Variants in TRPM3 observed in about 807,000 individuals in gnomAD.
TRPM3 encodes the protein transient receptor potential cation channel subfamily M member 3.
TRPM3 carries 77 observed loss-of-function variants against 181.2 expected under a neutral mutation model. The observed-to-expected ratio is 0.42, with a 90% CI of 0.35 to 0.51. TRPM3 has a LOEUF of 0.51. Ranked by LOEUF, TRPM3 falls within the 20% of genes least tolerant of loss-of-function variation. TRPM3 has a pLI of 0.01. For missense variants in TRPM3, 1,759 were observed against 2,196.7 expected (o/e 0.80, Z 3.98); for synonymous variants, 745 against 796.4 (o/e 0.94, Z 1.09).
At chr9:70,653,064 C>A (rs1419924863) in intron 9 of TRPM3, among the ~76,000 whole-genome samples, 1 of 151,898 alleles carries the variant, frequency 6.6e-6, no homozygotes, top group Non-Finnish European at 1.5e-5. Flanking sequence ...GAAAGGGAAA[C>A]CGTGAAAGTG....
chr9:71,127,452 T>C (rs567490), intron 1 of TRPM3, among the ~76,000 whole-genome samples: 93,677 of 151,892 alleles, frequency 0.62, 29,343 homozygotes, highest in African/African-American at 0.73. Context: ...GTGTTTCATC[T>C]TCCCTATCTT....
intron 8 of TRPM3, among the ~76,000 whole-genome samples, chr9:70,752,521 G>T (rs1329629065): frequency 6.6e-6 from 1 of 152,084 alleles, no homozygotes; most frequent in Non-Finnish European, 1.5e-5. Context: ...GAGGCAAAAA[G>T]CACAAAACAT....
chr9:70,573,110 A>G (rs1220809414), intron 22 of TRPM3, among the ~76,000 whole-genome samples: 1 of 152,082 alleles, frequency 6.6e-6, no homozygotes, highest in Non-Finnish European at 1.5e-5. Flanking sequence ...ATTTCAATAT[A>G]TAAGTGTTCA....
intron 1 of TRPM3, among the ~76,000 whole-genome samples, chr9:71,265,418 C>A (rs1385469283): frequency 6.6e-6 from 1 of 152,170 alleles, no homozygotes; most frequent in Non-Finnish European, 1.5e-5. Flanking sequence ...AGTAATAAGA[C>A]TGGTTTTTAA....
At chr9:70,584,848 T>C (rs1341996188) in intron 22 of TRPM3, among the ~76,000 whole-genome samples, 1 of 152,210 alleles carries the variant, frequency 6.6e-6, no homozygotes, top group Non-Finnish European at 1.5e-5. Context: ...CTCTCTGCCA[T>C]GTGGGCACAG....
At chr9:71,256,331 G>C (rs1020615279) in intron 1 of TRPM3, among the ~76,000 whole-genome samples, 1 of 152,094 alleles carries the variant, frequency 6.6e-6, no homozygotes, top group Admixed American at 6.6e-5. Context: ...ACAGTGGTGT[G>C]TTCATTTACC....
At chr9:71,136,598 A>G (rs2074780161) in intron 1 of TRPM3, among the ~76,000 whole-genome samples, 1 of 152,196 alleles carries the variant, frequency 6.6e-6, no homozygotes. Flanking sequence ...AAGGAAATTC[A>G]TATGCTTACT....
intron 22 of TRPM3, among the ~76,000 whole-genome samples, chr9:70,578,423 A>G (rs935613050): frequency 6.6e-6 from 1 of 152,204 alleles, no homozygotes; most frequent in Non-Finnish European, 1.5e-5. Context: ...TCATAGGTTA[A>G]GGCCTCTGGG....
Position 71,442,565 on chromosome 9 carries a change from T to C in TRPM3, c.183+4088A>G, listed in dbSNP as rs189805968. On this transcript the variant is annotated intron_variant, in intron 1 of 24. Coordinates refer to the TRPM3 transcript ENST00000357533. ...GCAAATATGGTAAATTGTACATGTA[T>C]ATTTTACCTAAATAAAAATAAATAA... Among the ~76,000 whole-genome samples, 53 of 152,348 alleles carry C rather than the reference T, an allele frequency of 3.5e-4. No individual in the cohort carries two copies. The East Asian group carries it at 0.01, about 29-fold the overall frequency.
chr9:70,966,394 T>C (rs951348113), intron 1 of TRPM3, among the ~76,000 whole-genome samples: 17 of 152,218 alleles, frequency 1.1e-4, no homozygotes, highest in African/African-American at 2.6e-4. Context: ...TTACTGGGTA[T>C]TTATCCAAAG....
rs148996095 is a variant in TRPM3 at position 70,938,479 on chromosome 9, T to C, written c.178-73968A>G. ...ATGTCTCTATTTAATCCTGTCTTTTTTTTCTATCTCTCCGCTTATTCTTTC... is the reference window on the plus strand; with the variant it reads ...ATGTCTCTATTTAATCCTGTCTTTTCTTTCTATCTCTCCGCTTATTCTTTC... On this transcript the variant is annotated intron_variant, in intron 1 of 25. Transcript: ENST00000677713. Among the ~76,000 whole-genome samples the C allele has an allele frequency of 3.8e-3, 582 of 152,300 alleles. 3 individuals carry two copies. Among genetic ancestry groups the C allele is most frequent in the African/African-American group, 0.013 (550 of 41,564 alleles).
At chr9:71,206,178 T>C (rs2079107386) in intron 1 of TRPM3, among the ~76,000 whole-genome samples, 1 of 152,230 alleles carries the variant, frequency 6.6e-6, no homozygotes, top group South Asian at 2.1e-4. Flanking sequence ...CACACTGTTT[T>C]CTACAATGGT....
chr9:70,951,090 G>A (rs976197336), intron 1 of TRPM3, among the ~76,000 whole-genome samples: 2 of 152,046 alleles, frequency 1.3e-5, no homozygotes, highest in South Asian at 2.1e-4. Flanking sequence ...TATAGTGACA[G>A]AATTCTATTA....
At chr9:70,681,312 A>C (rs758040098) in intron 9 of TRPM3, among the ~76,000 whole-genome samples, 194 bp downstream of exon 9, 26 of 152,164 alleles carry the variant, frequency 1.7e-4, no homozygotes, top group South Asian at 2.1e-4. Flanking sequence ...ATCTTATAAA[A>C]TTGAGTCACA....
chr9:70,665,953 G>A (rs2061782309), intron 9 of TRPM3, among the ~76,000 whole-genome samples: 1 of 152,206 alleles, frequency 6.6e-6, no homozygotes, highest in Non-Finnish European at 1.5e-5. Context: ...TACATGCACA[G>A]AGTTGAGAGT....
intron 6 of TRPM3, among the ~76,000 whole-genome samples, chr9:70,820,716 T>C (rs1035820171): frequency 1.3e-5 from 2 of 152,110 alleles, no homozygotes; most frequent in Non-Finnish European, 2.9e-5. Context: ...CTCGACTCCT[T>C]TAATCACAAC....
intron 1 of TRPM3, among the ~76,000 whole-genome samples, chr9:71,146,590 G>C (rs1587643014): frequency 6.6e-6 from 1 of 152,090 alleles, no homozygotes; most frequent in Non-Finnish European, 1.5e-5. Context: ...GTGGAGACTG[G>C]TTTTTTGTCC....
intron 9 of TRPM3, among the ~76,000 whole-genome samples, chr9:70,645,254 A>G (rs1472802933): frequency 2.0e-5 from 3 of 152,202 alleles, no homozygotes; most frequent in Non-Finnish European, 2.9e-5. Context: ...TAACCAAGAC[A>G]ATCCTAAGCA....
intron 1 of TRPM3, among the ~76,000 whole-genome samples, chr9:70,925,689 G>C (rs1441843111): frequency 2.0e-5 from 3 of 151,768 alleles, no homozygotes; most frequent in African/African-American, 7.3e-5. Context: ...ATATATGCTG[G>C]GGTATCAGCA....
Sources: gnomAD v4.1 joint callset for allele counts (sites outside exome capture counted in the v4.1 genomes callset) on GRCh38, gnomAD v4.1.1 for gene constraint, MANE v1.5 for transcripts, NCBI Gene and HGNC (gene_info 2026-07-23, HGNC 2026-07-21) for gene names.